PLPPR1: variants seen among roughly 807,000 people sequenced by gnomAD.
PLPPR1 encodes phospholipid phosphatase related 1, also known as phospholipid phosphatase-related protein type 1.
PLPPR1 carries 10 observed loss-of-function variants against 33.1 expected under a neutral mutation model. That is an observed-to-expected ratio of 0.30 (90% confidence interval 0.19 to 0.51). The LOEUF is 0.51. Ranked by LOEUF, PLPPR1 falls within the 20% of genes least tolerant of loss-of-function variation. The probability of loss-of-function intolerance (pLI) is 0.97; values close to 1 mark genes in which losing one functional copy is unlikely to be tolerated. For synonymous variants in PLPPR1, 151 were observed against 151.0 expected (o/e 1.00, Z 0.00); for missense variants, 304 against 408.1 (o/e 0.74, Z 2.20).
chr9:101,291,099 G>A (rs999418069), intron 4 of PLPPR1, among the ~76,000 whole-genome samples: 3 of 152,148 alleles, frequency 2.0e-5, no homozygotes, highest in African/African-American at 4.8e-5. Flanking sequence ...GCGCTTTTCC[G>A]ACAACAGGCT....
At chr9:101,168,266 A>G (rs1158686380) in intron 1 of PLPPR1, among the ~76,000 whole-genome samples, 1 of 152,090 alleles carries the variant, frequency 6.6e-6, no homozygotes, top group Non-Finnish European at 1.5e-5. Context: ...GGACTCTAAC[A>G]TCCTTAACTT....
At chr9:101,321,693 G>C (rs1437983528) in intron 7 of PLPPR1, among the ~76,000 whole-genome samples, 1 of 149,920 alleles carries the variant, frequency 6.7e-6, no homozygotes, top group Non-Finnish European at 1.5e-5. Flanking sequence ...CTCTGGATGT[G>C]GTATAGAGTC....
chr9:101,311,714 T>C (rs543975130), intron 5 of PLPPR1, among the ~76,000 whole-genome samples: 1 of 152,208 alleles, frequency 6.6e-6, no homozygotes, highest in Non-Finnish European at 1.5e-5. Flanking sequence ...CATTCTAGAA[T>C]ATTAAGAATT....
intron 2 of PLPPR1, among the ~76,000 whole-genome samples, chr9:101,197,690 A>G (rs1826422694): frequency 6.6e-6 from 1 of 152,242 alleles, no homozygotes; most frequent in Non-Finnish European, 1.5e-5. Flanking sequence ...TGTTGGGATT[A>G]AAAACACATT....
At chr9:101,317,331 C>G (rs1369919408) in intron 6 of PLPPR1, 34 bp from the exon 7 acceptor site, 1 of 1,603,816 alleles carries the variant, frequency 6.2e-7, no homozygotes, top group Non-Finnish European at 8.5e-7. Context: ...TGGCTGCAGT[C>G]TGACCCCATT....
chr9:101,151,669 C>A (rs1445975847), intron 1 of PLPPR1, among the ~76,000 whole-genome samples: 2 of 152,156 alleles, frequency 1.3e-5, no homozygotes, highest in Non-Finnish European at 2.9e-5. Flanking sequence ...AAAGGGATGG[C>A]AACTATGTAG....
intron 1 of PLPPR1, among the ~76,000 whole-genome samples, chr9:101,137,794 T>C (rs1012689499): frequency 6.6e-6 from 1 of 152,198 alleles, no homozygotes; most frequent in African/African-American, 2.4e-5. Flanking sequence ...CATAATGTAT[T>C]AGGGTTTACA....
At chr9:101,137,873 G>T (rs557104791) in intron 1 of PLPPR1, among the ~76,000 whole-genome samples, 1 of 152,320 alleles carries the variant, frequency 6.6e-6, no homozygotes, top group African/African-American at 2.4e-5. Context: ...TACCCACTGT[G>T]TAAATGAACA....
intron 2 of PLPPR1, among the ~76,000 whole-genome samples, chr9:101,236,751 C>G (rs551484889): frequency 2.6e-5 from 4 of 151,710 alleles, no homozygotes; most frequent in African/African-American, 9.6e-5. Flanking sequence ...TGCATGTGAA[C>G]ATTCAAAATC....
rs372230311 is a variant in PLPPR1 at position 101,084,620 on chromosome 9, T to C, written c.-46+55518T>C. On this transcript the variant is annotated intron_variant, in intron 1 of 7. Coordinates refer to ENST00000374874, the MANE Select transcript of PLPPR1 (RefSeq NM_207299.2). ...GGAGTCATGCTTTTCTAATGTACGA[T>C]GTGACAGTTTGCTTTGCAAGGCTTC... is the stretch of plus-strand genomic sequence containing the variant. Among the ~76,000 whole-genome samples, 10 of 152,204 alleles carry C rather than the reference T, an allele frequency of 6.6e-5. 1 individual carries two copies. The highest frequency in any genetic ancestry group is 3.8e-4 in the East Asian group (2 of 5,198).
chr9:101,277,150 T>A (rs1828212029), intron 3 of PLPPR1, among the ~76,000 whole-genome samples: 1 of 152,220 alleles, frequency 6.6e-6, no homozygotes, highest in Admixed American at 6.5e-5. Flanking sequence ...CATTTCTGCC[T>A]TCTTGGAGAT....
intron 2 of PLPPR1, among the ~76,000 whole-genome samples, chr9:101,220,234 C>T (rs1826901637): frequency 6.6e-6 from 1 of 152,196 alleles, no homozygotes; most frequent in Admixed American, 6.5e-5. Flanking sequence ...TTGAGAACCA[C>T]TCTTCTAGAT....
At chr9:101,304,236 T>C (rs1269334792) in intron 4 of PLPPR1, among the ~76,000 whole-genome samples, 1 of 152,230 alleles carries the variant, frequency 6.6e-6, no homozygotes, top group African/African-American at 2.4e-5. Context: ...TGGCTTTTTG[T>C]CAACTATGTT....
chr9:101,067,018 C>G (rs1219095160), intron 1 of PLPPR1, among the ~76,000 whole-genome samples: 1 of 151,986 alleles, frequency 6.6e-6, no homozygotes, highest in Non-Finnish European at 1.5e-5. Flanking sequence ...TGAGAGAATT[C>G]TCATATGTTA....
chr9:101,045,772 C>T (rs1359501731), intron 1 of PLPPR1, among the ~76,000 whole-genome samples: 1 of 152,208 alleles, frequency 6.6e-6, no homozygotes, highest in Non-Finnish European at 1.5e-5. Flanking sequence ...CTAGCTTTAA[C>T]ATGGGAAAGA....
chr9:101,168,601 C>T (rs935125631), intron 1 of PLPPR1, among the ~76,000 whole-genome samples: 4 of 152,088 alleles, frequency 2.6e-5, no homozygotes, highest in Non-Finnish European at 5.9e-5. Flanking sequence ...TGTAAGCTAC[C>T]TGCTGTCAAT....
intron 2 of PLPPR1, among the ~76,000 whole-genome samples, chr9:101,185,764 T>C: frequency 6.6e-6 from 1 of 151,848 alleles, no homozygotes. Context: ...CACCTTTGGA[T>C]ATATAATATA....
At chr9:101,181,878 A>G (rs1826120688) in intron 1 of PLPPR1, among the ~76,000 whole-genome samples, 1 of 149,868 alleles carries the variant, frequency 6.7e-6, no homozygotes, top group African/African-American at 2.4e-5. Flanking sequence ...ACACACACAT[A>G]TATATACACA....
At chr9:101,293,215 C>T (rs1169425909) in intron 4 of PLPPR1, among the ~76,000 whole-genome samples, 1 of 148,826 alleles carries the variant, frequency 6.7e-6, no homozygotes, top group African/African-American at 2.5e-5. Flanking sequence ...AAGGCCATTA[C>T]ATAATGGTAA....
Sources: allele counts gnomAD v4.1 joint callset (sites outside exome capture counted in the v4.1 genomes callset), GRCh38; gene constraint gnomAD v4.1.1; transcripts MANE v1.5; gene names NCBI Gene and HGNC (gene_info 2026-07-23, HGNC 2026-07-21).